PHLPP1: variants seen among roughly 807,000 people sequenced by gnomAD.
The protein encoded by PHLPP1 is PH domain leucine-rich repeat-containing protein phosphatase 1.
In PHLPP1, 42 loss-of-function variants were observed where a neutral mutation model predicts 117.2. That is an observed-to-expected ratio of 0.36 (90% confidence interval 0.28 to 0.46). The LOEUF (loss-of-function observed/expected upper bound fraction) is 0.46, where lower values mean the gene tolerates loss of function less well. Ranked by LOEUF, PHLPP1 falls within the 20% of genes least tolerant of loss-of-function variation. PHLPP1 has a pLI of 1.00. For synonymous variants in PHLPP1, 1,042 were observed against 970.7 expected, an observed-to-expected ratio of 1.07 and a Z score of -1.37; for missense variants, 2,084 against 2,241.9, an observed-to-expected ratio of 0.93 and a Z score of 1.42.
At chr18:62,731,477 C>A (rs778290612) in intron 1 of PHLPP1, 2 of 152,280 alleles carry the variant, frequency 1.3e-5, no homozygotes, top group Non-Finnish European at 2.9e-5. Flanking sequence ...CCTTGACCGA[C>A]TGGCTATTCC....
At position 62,893,704 on chromosome 18, in the gene PHLPP1, T is replaced by A. The variant is rs545393298; in HGVS notation, c.2067-1307T>A. On this transcript the variant is annotated intron_variant, in intron 4 of 16. Coordinates refer to ENST00000262719, the MANE Select transcript of PHLPP1 (RefSeq NM_194449.4). The stretch of plus-strand genomic sequence containing the variant: ...TAGACGTGGGCGGTTTTTAAAGGAG[T>A]TAGCATAACGCAGTCACTAATATGA... Among the ~76,000 whole-genome samples, 4 of 152,226 alleles carry A rather than the reference T, an allele frequency of 2.6e-5. No individual in the cohort carries two copies. The East Asian group carries it at 7.7e-4, about 29-fold the overall frequency.
intron 14 of PHLPP1, 49 bp downstream of exon 14, chr18:62,963,521 C>A: frequency 8.5e-7 from 1 of 1,177,228 alleles, no homozygotes; most frequent in Non-Finnish European, 1.2e-6. Flanking sequence ...GCCTGTCTCA[C>A]TCCTTTAGTT....
At chr18:62,805,561 A>G (rs1362388463) in intron 1 of PHLPP1, among the ~76,000 whole-genome samples, 1 of 152,024 alleles carries the variant, frequency 6.6e-6, no homozygotes, top group Non-Finnish European at 1.5e-5. Context: ...GAGTCTTGCC[A>G]TGTTGCTCAG....
At position 62,978,863 on chromosome 18, in the gene PHLPP1, G is replaced by A. The variant is rs1293526408; in HGVS notation, c.4586G>A (p.Arg1529His). The A allele has an allele frequency of 1.1e-5, 17 of 1,606,820 alleles. No homozygotes were observed. Among genetic ancestry groups the A allele is most frequent in the African/African-American group, 5.4e-5 (4 of 74,694 alleles). ...ATCTGTCTGTCCAACTCCTTCCAGC[G>A]CCAGCTATCCAGCGCCACGTTCTCT... Reference protein sequence around the residue: ...HPICLSNSFQRQLSSATFSSA... With the variant: ...HPICLSNSFQHQLSSATFSSA... The change falls in exon 17 of 17, where the codon CGC becomes CAC. Residue 1529 changes from arginine to histidine, a missense_variant. Transcript: ENST00000262719. The surrounding 1 kb of genome is among the most constrained non-coding windows in gnomAD (Gnocchi z 7.0).
At chr18:62,774,752 T>A (rs944450731) in intron 1 of PHLPP1, among the ~76,000 whole-genome samples, 5 of 152,164 alleles carry the variant, frequency 3.3e-5, no homozygotes, top group African/African-American at 1.2e-4. Flanking sequence ...GCTCATTCTT[T>A]CTGGCTATAA....
chr18:62,905,391 A>G (rs924478798), intron 8 of PHLPP1, 107 bp downstream of exon 8: 1 of 468,958 alleles, frequency 2.1e-6, no homozygotes. Context: ...GGTAAATGCT[A>G]AAAAATTAAT....
At chr18:62,791,570 A>G (rs977732189) in intron 1 of PHLPP1, among the ~76,000 whole-genome samples, 1 of 152,166 alleles carries the variant, frequency 6.6e-6, no homozygotes, top group Non-Finnish European at 1.5e-5. Context: ...CAGCAATATG[A>G]CAGCTCTTTT....
At chr18:62,898,868 G>A (rs186788644) in intron 6 of PHLPP1, among the ~76,000 whole-genome samples, 11 of 150,788 alleles carry the variant, frequency 7.3e-5, no homozygotes, top group Middle Eastern at 3.4e-3. Flanking sequence ...GTGTGATCTC[G>A]GCTCACTGCA....
chr18:62,912,345 A>G (rs897457677), intron 8 of PHLPP1, among the ~76,000 whole-genome samples: 3 of 124,182 alleles, frequency 2.4e-5, no homozygotes, highest in African/African-American at 5.6e-5. Flanking sequence ...AACCTGATCC[A>G]TCAAAAAAAA....
chr18:62,815,742 AGACACAAAGAAAGT>A (rs564715388), intron 1 of PHLPP1, among the ~76,000 whole-genome samples: 208 of 152,368 alleles, frequency 1.4e-3, no homozygotes, highest in Non-Finnish European at 2.4e-3. Context: ...AGTGCAGTAC[AGACACAAAGAAAGT>A]GGAATTAGGT....
intron 1 of PHLPP1, among the ~76,000 whole-genome samples, chr18:62,737,055 T>C (rs1911388911): frequency 6.6e-6 from 1 of 152,110 alleles, no homozygotes; most frequent in Admixed American, 6.5e-5. Flanking sequence ...TAAATAATAA[T>C]AATAAAACTT....
chr18:62,834,569 C>G (rs1210349393), intron 2 of PHLPP1, among the ~76,000 whole-genome samples: 2 of 152,178 alleles, frequency 1.3e-5, no homozygotes, highest in East Asian at 3.8e-4. Context: ...CACACATCTA[C>G]TTTCGCAAGA....
intron 8 of PHLPP1, among the ~76,000 whole-genome samples, chr18:62,912,224 G>A (rs1184046989): frequency 6.7e-6 from 1 of 148,494 alleles, no homozygotes; most frequent in Non-Finnish European, 1.5e-5. Context: ...AGTGGGTGCA[G>A]CGCACTAGCA....
intron 4 of PHLPP1, among the ~76,000 whole-genome samples, chr18:62,869,926 C>T (rs961646603): frequency 1.3e-5 from 2 of 152,152 alleles, no homozygotes; most frequent in African/African-American, 2.4e-5. Flanking sequence ...CTTGCTCTGT[C>T]GCCCAGGCTG....
chr18:62,783,931 A>G (rs925610274), intron 1 of PHLPP1, among the ~76,000 whole-genome samples: 2 of 152,224 alleles, frequency 1.3e-5, no homozygotes, highest in African/African-American at 4.8e-5. Context: ...GAATGAGAAG[A>G]AAGATGGCCA....
intron 1 of PHLPP1, among the ~76,000 whole-genome samples, chr18:62,811,586 A>G (rs951719170): frequency 1.3e-5 from 2 of 149,266 alleles, no homozygotes; most frequent in Non-Finnish European, 3.0e-5. Context: ...AACTTTTGTT[A>G]ATGGGGCTGT....
At chr18:62,853,394 A>G (rs1599083723) in intron 3 of PHLPP1, among the ~76,000 whole-genome samples, 1 of 140,954 alleles carries the variant, frequency 7.1e-6, no homozygotes, top group Non-Finnish European at 1.5e-5. Flanking sequence ...TTTGAGATGG[A>G]GTCTTGCTGT....
intron 3 of PHLPP1, among the ~76,000 whole-genome samples, chr18:62,852,746 A>G (rs572596240): frequency 1.3e-5 from 2 of 152,330 alleles, no homozygotes; most frequent in African/African-American, 4.8e-5. Context: ...TGAGCATGCC[A>G]TGCACATAAG....
chr18:62,774,650 A>T (rs9959676), intron 1 of PHLPP1, among the ~76,000 whole-genome samples: 2,861 of 152,306 alleles, frequency 0.019, 75 homozygotes, highest in African/African-American at 0.065. Context: ...CATTGAGATG[A>T]TTATTTAAGG....
Sources: allele counts gnomAD v4.1 joint callset (sites outside exome capture counted in the v4.1 genomes callset), GRCh38; gene constraint gnomAD v4.1.1; non-coding constraint Gnocchi (gnomAD v3.1); transcripts MANE v1.5; gene names NCBI Gene and HGNC (gene_info 2026-07-23, HGNC 2026-07-21).